The following CD58 variants were observed in gnomAD, a reference collection of about 807,000 sequenced individuals.
The protein encoded by CD58 is lymphocyte function-associated antigen 3.
Under a neutral mutation model 27.6 loss-of-function variants are expected in CD58, and 14 were observed. The ratio of observed to expected loss-of-function variants is 0.51; its 90% CI spans 0.34 to 0.79. CD58 has a LOEUF of 0.79. CD58 is among the 30% of genes least tolerant of loss of function. The probability of loss-of-function intolerance (pLI) is 0.02; values close to 1 mark genes in which losing one functional copy is unlikely to be tolerated. For missense variants in CD58, 268 were observed against 301.7 expected, an observed-to-expected ratio of 0.89 and a Z score of 0.83; for synonymous variants, 117 against 103.8, an observed-to-expected ratio of 1.13 and a Z score of -0.77.
chr1:116,547,233 CAT>C (rs1658211532), intron 1 of CD58, among the ~76,000 whole-genome samples: 1 of 151,808 alleles, frequency 6.6e-6, no homozygotes, highest in African/African-American at 2.4e-5. Flanking sequence ...TAAGTTAGAA[CAT>C]ATGTTTGGTT....
At position 116,546,178 on chromosome 1, in the gene CD58, A is replaced by C. The variant is rs1485525911; in HGVS notation, c.71-1574T>G. Among the ~76,000 whole-genome samples the C allele has an allele frequency of 6.6e-6, 1 of 152,230 alleles. No homozygotes were observed. The highest frequency in any genetic ancestry group is 1.5e-5 in the Non-Finnish European group (1 of 68,038). ...CAGAGCATGACCTGTCTCAACAAACAAACAAAAAACTGCAGCTATTTTAAG... is the reference window on the plus strand; with the variant it reads ...CAGAGCATGACCTGTCTCAACAAACCAACAAAAAACTGCAGCTATTTTAAG... On this transcript the variant is annotated intron_variant, in intron 1 of 5. Transcript: ENST00000369489. This position sits in a 1 kb window ranked among gnomAD's most constrained non-coding sequence, Gnocchi z 4.1.
chr1:116,525,823 T>C (rs534068911), intron 3 of CD58, among the ~76,000 whole-genome samples: 76 of 152,294 alleles, frequency 5.0e-4, no homozygotes, highest in South Asian at 8.3e-4. Context: ...TTTTACAAAA[T>C]AGAAAATAGT....
At chr1:116,518,271 C>G (rs1017298753) in intron 5 of CD58, among the ~76,000 whole-genome samples, 3 of 152,032 alleles carry the variant, frequency 2.0e-5, no homozygotes, top group Non-Finnish European at 4.4e-5. Context: ...TGCTGTTTCT[C>G]TCAAACCTAG....
intron 1 of CD58, among the ~76,000 whole-genome samples, chr1:116,556,510 C>G (rs1211314846): frequency 2.0e-5 from 3 of 152,088 alleles, no homozygotes; most frequent in Non-Finnish European, 4.4e-5. Context: ...AATCTATAGA[C>G]AGCATTGGAA....
Position 116,570,262 on chromosome 1 carries a change from G to A in CD58, c.70+641C>T, listed in dbSNP as rs1245623403. ...TGGCTGACAACACACGGAGAGGATG[G>A]AACCAGTTCTGATACTAGTTTTTAG... On this transcript the variant is annotated intron_variant, in intron 1 of 5. Transcript: ENST00000369489. This position sits in a 1 kb window ranked among gnomAD's most constrained non-coding sequence, Gnocchi z 6.4. 6.6e-6 allele frequency among the ~76,000 whole-genome samples: 1 copy of A among 152,210 alleles called. No individual in the cohort carries two copies. The highest frequency in any genetic ancestry group is 2.4e-5 in the African/African-American group (1 of 41,452).
chr1:116,516,631 T>C lies in CD58; in HGVS notation c.744-1809A>G, dbSNP rs1657089432. ...CCCTCTCATGTATTTGCCTCCGCTG[T>C]TTATCCCACCTGGAATGCCTTTTCT... On this transcript the variant is annotated intron_variant, in intron 5 of 5. Coordinates refer to ENST00000369489, the MANE Select transcript of CD58 (RefSeq NM_001779.3). This position sits in a 1 kb window ranked among gnomAD's most constrained non-coding sequence, Gnocchi z 6.1. 6.6e-6 allele frequency among the ~76,000 whole-genome samples: 1 copy of C among 152,214 alleles called. No individual in the cohort carries two copies. Among genetic ancestry groups the C allele is most frequent in the Admixed American group, 6.5e-5 (1 of 15,280 alleles).
intron 1 of CD58, among the ~76,000 whole-genome samples, chr1:116,567,079 G>C (rs1658961594): frequency 6.6e-6 from 1 of 151,200 alleles, no homozygotes; most frequent in South Asian, 2.1e-4. Flanking sequence ...GATCAAGGCT[G>C]CAGTGAGCCA....
chr1:116,525,244 A>G (rs1657392378), intron 3 of CD58, among the ~76,000 whole-genome samples: 1 of 152,184 alleles, frequency 6.6e-6, no homozygotes, highest in South Asian at 2.1e-4. Context: ...TACAGTCTCC[A>G]CAGTTTTGCC....
chr1:116,548,666 T>C (rs1231025562), intron 1 of CD58, among the ~76,000 whole-genome samples: 1 of 152,188 alleles, frequency 6.6e-6, no homozygotes, highest in Non-Finnish European at 1.5e-5. Context: ...AGTCAAGAGT[T>C]ATACATAAAT....
intron 3 of CD58, among the ~76,000 whole-genome samples, chr1:116,526,818 A>G (rs1251965048): frequency 6.6e-6 from 1 of 152,246 alleles, no homozygotes; most frequent in Admixed American, 6.5e-5. Context: ...ATCTATGAAC[A>G]TAGAATATCT....
In CD58 at chr1:116,545,833, A is replaced by T. The variant is rs541146833; in HGVS notation, c.71-1229T>A. Among the ~76,000 whole-genome samples the T allele has an allele frequency of 9.2e-5, 14 of 152,306 alleles. No homozygotes were observed. The South Asian group carries it at 2.9e-3, about 32-fold the overall frequency. ...ACCACAAGATTGGGATATTTTTGAT[A>T]CCCCAAAGTGGGTTTAAATGCATCT... On this transcript the variant is annotated intron_variant, in intron 1 of 5. Coordinates refer to ENST00000369489, the MANE Select transcript of CD58 (RefSeq NM_001779.3).
At chr1:116,565,206 C>G in intron 1 of CD58, among the ~76,000 whole-genome samples, 1 of 152,196 alleles carries the variant, frequency 6.6e-6, no homozygotes, top group East Asian at 1.9e-4. Context: ...TCAAAACTTT[C>G]CAGTCACTGA....
intron 1 of CD58, among the ~76,000 whole-genome samples, chr1:116,545,930 A>G (rs1271065202): frequency 2.0e-5 from 3 of 152,238 alleles, no homozygotes; most frequent in Admixed American, 1.3e-4. Flanking sequence ...TAAGTCCAGC[A>G]TTTTGGGAGG....
At position 116,522,010 on chromosome 1, in the gene CD58, C is replaced by A; in HGVS notation, c.629-27G>T. The A allele has an allele frequency of 7.7e-7, 1 of 1,299,514 alleles. No individual in the cohort carries two copies. The highest frequency in any genetic ancestry group is 1.3e-5 in the South Asian group (1 of 79,708). The allele number at this position is 1,299,514 out of a possible 1,614,324, so 80.5% of individuals were successfully genotyped here. A position where few individuals can be genotyped will look rare whatever the true frequency, so the allele number is the denominator to read the frequency against. On this transcript the variant is annotated intron_variant, in intron 3 of 5. Transcript: ENST00000369489. This position sits in a 1 kb window ranked among gnomAD's most constrained non-coding sequence, Gnocchi z 4.6. Reference sequence around the variant, plus strand: ...TATAAAAAAGAAAAGAAAAGAAATTCAACTAGTTGAACTGATCAAAATGGA... The same window carrying A: ...TATAAAAAAGAAAAGAAAAGAAATTAAACTAGTTGAACTGATCAAAATGGA...
intron 5 of CD58, chr1:116,518,562 GA>G: frequency 1.8e-6 from 1 of 570,460 alleles, no homozygotes; most frequent in Non-Finnish European, 2.2e-6. Flanking sequence ...CTGCTCCAAA[GA>G]GGATGGCTTG....
intron 4 of CD58, among the ~76,000 whole-genome samples, chr1:116,520,440 A>G (rs543273619): frequency 9.4e-4 from 142 of 151,666 alleles, no homozygotes; most frequent in African/African-American, 3.1e-3. Flanking sequence ...TTTTAAGAAC[A>G]AATTTTTTCA....
intron 2 of CD58, among the ~76,000 whole-genome samples, chr1:116,542,022 T>C (rs551006102): frequency 8.5e-5 from 13 of 152,344 alleles, no homozygotes; most frequent in Admixed American, 5.9e-4. Context: ...CTCACACCTG[T>C]AATCCCAACA....
chr1:116,534,361 C>T lies in CD58; in HGVS notation c.628+1604G>A, dbSNP rs1256098634. Among the ~76,000 whole-genome samples, 5 of 152,254 alleles carry T rather than the reference C, an allele frequency of 3.3e-5. No individual in the cohort carries two copies. The highest frequency in any genetic ancestry group is 2.9e-5 in the Non-Finnish European group (2 of 68,038). On this transcript the variant is annotated intron_variant, in intron 3 of 5. Coordinates refer to ENST00000369489, the MANE Select transcript of CD58 (RefSeq NM_001779.3). This position sits in a 1 kb window ranked among gnomAD's most constrained non-coding sequence, Gnocchi z 5.3. Reference sequence around the variant, plus strand: ...CTACGGAAAAACTCAAATTCCTAAACATCTAATAAAGAGGTCCTGGACGTC... The same window carrying T: ...CTACGGAAAAACTCAAATTCCTAAATATCTAATAAAGAGGTCCTGGACGTC...
At chr1:116,555,734 C>A (rs1658538659) in intron 1 of CD58, among the ~76,000 whole-genome samples, 1 of 152,146 alleles carries the variant, frequency 6.6e-6, no homozygotes, top group Admixed American at 6.5e-5. Context: ...GAAGTTGTAA[C>A]TGGAACCCAA....
Sources: gnomAD v4.1 joint callset for allele counts (sites outside exome capture counted in the v4.1 genomes callset) on GRCh38, gnomAD v4.1.1 for gene constraint, Gnocchi (gnomAD v3.1) non-coding constraint, MANE v1.5 for transcripts, NCBI Gene and HGNC (gene_info 2026-07-23, HGNC 2026-07-21) for gene names.